HS3ST4: variants seen among roughly 807,000 people sequenced by gnomAD.
HS3ST4 encodes the protein heparan sulfate-glucosamine 3-sulfotransferase 4.
Under a neutral mutation model 29.2 loss-of-function variants are expected in HS3ST4, and 17 were observed. The ratio of observed to expected loss-of-function variants is 0.58; its 90% CI spans 0.40 to 0.87. The LOEUF (loss-of-function observed/expected upper bound fraction) is 0.87. Among genes scored for constraint, HS3ST4 ranks in the 40% least tolerant of loss-of-function variants. The probability of loss-of-function intolerance (pLI) is 0.00; values close to 1 mark genes in which losing one functional copy is unlikely to be tolerated. For synonymous variants in HS3ST4, 314 were observed against 285.7 expected (o/e 1.10, Z -1.00); for missense variants, 627 against 634.5 (o/e 0.99, Z 0.13).
chr16:25,913,659 A>G (rs565281591), intron 1 of HS3ST4, among the ~76,000 whole-genome samples: 73 of 152,164 alleles, frequency 4.8e-4, no homozygotes, highest in Non-Finnish European at 9.4e-4. Context: ...AGAAGAAAGG[A>G]AGGGTTACTA....
At chr16:25,701,722 C>T (rs1046815232) in intron 1 of HS3ST4, among the ~76,000 whole-genome samples, 2 of 152,172 alleles carry the variant, frequency 1.3e-5, no homozygotes, top group African/African-American at 2.4e-5. Flanking sequence ...GTGCTATGTG[C>T]TTGGCTGAAA....
At chr16:25,693,973 A>T (rs1257979405) in intron 1 of HS3ST4, among the ~76,000 whole-genome samples, 1 of 152,202 alleles carries the variant, frequency 6.6e-6, no homozygotes, top group Non-Finnish European at 1.5e-5. Flanking sequence ...AAAATAAATT[A>T]ATAATCCAGC....
intron 1 of HS3ST4, among the ~76,000 whole-genome samples, chr16:25,884,823 C>A (rs1967932514): frequency 6.6e-6 from 1 of 152,182 alleles, no homozygotes; most frequent in African/African-American, 2.4e-5. Context: ...GCCTGAGCTA[C>A]CAAAACTGCT....
chr16:25,995,631 C>A (rs573421307), intron 1 of HS3ST4, among the ~76,000 whole-genome samples: 1 of 152,224 alleles, frequency 6.6e-6, no homozygotes, highest in South Asian at 2.1e-4. Flanking sequence ...TGCACAAGAA[C>A]TGTGAATGGG....
In HS3ST4 at chr16:26,086,164, C is replaced by A. The variant is rs886836457; in HGVS notation, c.735-49448C>A. On this transcript the variant is annotated intron_variant, in intron 1 of 1. Transcript: ENST00000331351. ...ACTCATGTCCCTTGCTCAAATGACA[C>A]CTCTCCATTGCTCTATTTATGATCA... Among the ~76,000 whole-genome samples the A allele has an allele frequency of 2.0e-5, 3 of 152,050 alleles. 1 individual carries two copies. The highest frequency in any genetic ancestry group is 2.0e-4 in the Admixed American group (3 of 15,270).
At chr16:25,990,797 G>A (rs1969107265) in intron 1 of HS3ST4, among the ~76,000 whole-genome samples, 2 of 152,130 alleles carry the variant, frequency 1.3e-5, no homozygotes, top group South Asian at 2.1e-4. Context: ...ATAATCAATG[G>A]TCAATTTTAA....
chr16:26,016,304 A>T (rs1044142407), intron 1 of HS3ST4, among the ~76,000 whole-genome samples: 4 of 152,202 alleles, frequency 2.6e-5, no homozygotes, highest in African/African-American at 9.6e-5. Context: ...GACACAGTCT[A>T]GGTCAGAGTA....
At chr16:25,848,939 A>G (rs1967491815) in intron 1 of HS3ST4, among the ~76,000 whole-genome samples, 1 of 152,130 alleles carries the variant, frequency 6.6e-6, no homozygotes, top group African/African-American at 2.4e-5. Context: ...GTACTGCTAC[A>G]TTCCATAATT....
intron 1 of HS3ST4, among the ~76,000 whole-genome samples, chr16:25,997,960 G>T (rs770208937): frequency 6.6e-6 from 1 of 152,126 alleles, no homozygotes; most frequent in African/African-American, 2.4e-5. Context: ...ATTCAGCCAG[G>T]CATGGTGATT....
chr16:26,098,909 A>T (rs1898960991), intron 1 of HS3ST4, among the ~76,000 whole-genome samples: 1 of 152,032 alleles, frequency 6.6e-6, no homozygotes, highest in Admixed American at 6.6e-5. Context: ...GTCCAAGGCA[A>T]CCTGCGGATA....
intron 1 of HS3ST4, among the ~76,000 whole-genome samples, chr16:25,828,298 T>TCTCTCTCTC (rs1567249508): frequency 2.1e-4 from 6 of 27,922 alleles, no homozygotes; most frequent in Admixed American, 8.1e-4. Context: ...CTTTCTTTCT[T>TCTCTCTCTC]TCCCTCTCTC....
chr16:26,121,128 C>T (rs139899254), intron 1 of HS3ST4, among the ~76,000 whole-genome samples: 7 of 152,054 alleles, frequency 4.6e-5, no homozygotes, highest in South Asian at 2.1e-4. Flanking sequence ...AGGCTTGAGG[C>T]GGTTAAGGAG....
At chr16:25,722,223 T>A (rs1338346608) in intron 1 of HS3ST4, among the ~76,000 whole-genome samples, 1 of 152,186 alleles carries the variant, frequency 6.6e-6, no homozygotes, top group Non-Finnish European at 1.5e-5. Flanking sequence ...TACCTTACAG[T>A]GCAAATGGTT....
chr16:26,115,247 A>G (rs113024382), intron 1 of HS3ST4, among the ~76,000 whole-genome samples: 33,225 of 149,306 alleles, frequency 0.22, 4,014 homozygotes, highest in African/African-American at 0.3. Flanking sequence ...ATGTGTGTGT[A>G]TATATATATA....
At chr16:25,703,975 T>TC (rs369410426) in intron 1 of HS3ST4, among the ~76,000 whole-genome samples, 21 of 152,180 alleles carry the variant, frequency 1.4e-4, no homozygotes, top group African/African-American at 5.1e-4. Context: ...ATTACTTATC[T>TC]CCCCCTCACT....
At chr16:25,853,856 G>A (rs1347108078) in intron 1 of HS3ST4, among the ~76,000 whole-genome samples, 2 of 152,026 alleles carry the variant, frequency 1.3e-5, no homozygotes, top group Non-Finnish European at 2.9e-5. Flanking sequence ...TATCAGGGTG[G>A]TGCTAGTCTT....
At chr16:25,759,285 A>G (rs771237000) in intron 1 of HS3ST4, among the ~76,000 whole-genome samples, 25 of 152,216 alleles carry the variant, frequency 1.6e-4, no homozygotes, top group African/African-American at 5.1e-4. Context: ...TGTATCAACA[A>G]TCTAGCTTAA....
intron 1 of HS3ST4, among the ~76,000 whole-genome samples, chr16:26,079,042 G>T (rs1159385939): frequency 6.6e-6 from 1 of 152,186 alleles, no homozygotes; most frequent in African/African-American, 2.4e-5. Context: ...AAAAGAAGGG[G>T]CTCTTCCCAG....
chr16:25,692,858 C>A lies in HS3ST4; in HGVS notation c.441C>A (p.Ser147Arg), dbSNP rs1387705410. ...DAWLRTPLAP[S>R]EMITAQSALP... ...GGCTCCGGACCCCGCTGGCCCCCAGCGAGATGATCACGGCTCAGAGCGCGC... is the reference window on the plus strand; with the variant it reads ...GGCTCCGGACCCCGCTGGCCCCCAGAGAGATGATCACGGCTCAGAGCGCGC... Residue 147 changes from serine (S) to arginine (R), a missense_variant, in exon 1 of 2, where the codon AGC becomes AGA. This residue lies in a region of HS3ST4 where 402 missense variants were observed against 340.8 expected (regional missense o/e 1.18). Transcript: ENST00000331351. The A allele has an allele frequency of 1.3e-6, 2 of 1,482,882 alleles. No individual in the cohort carries two copies. The highest frequency in any genetic ancestry group is 2.7e-5 in the East Asian group (1 of 36,538). The allele number at this position is 1,482,882 out of a possible 1,614,324, so 91.9% of individuals were successfully genotyped here.
Sources: gnomAD v4.1 joint callset for allele counts (sites outside exome capture counted in the v4.1 genomes callset) on GRCh38, gnomAD v4.1.1 for gene constraint, gnomAD v4.1.1 regional missense constraint, MANE v1.5 for transcripts, NCBI Gene and HGNC (gene_info 2026-07-23, HGNC 2026-07-21) for gene names.